The following TBC1D22A variants were observed in gnomAD, a reference collection of about 807,000 sequenced individuals.
TBC1D22A encodes the protein TBC1 domain family member 22A.
Under a neutral mutation model 60.2 loss-of-function variants are expected in TBC1D22A, and 38 were observed. That is an observed-to-expected ratio of 0.63 (90% CI 0.49 to 0.83). The LOEUF (loss-of-function observed/expected upper bound fraction) is 0.83, where lower values mean the gene tolerates loss of function less well. Among genes scored for constraint, TBC1D22A ranks in the 40% least tolerant of loss-of-function variants. TBC1D22A has a pLI of 0.00. For synonymous variants in TBC1D22A, 302 were observed against 281.7 expected (o/e 1.07, Z -0.72); for missense variants, 628 against 701.0 (o/e 0.90, Z 1.18).
intron 8 of TBC1D22A, among the ~76,000 whole-genome samples, chr22:46,934,777 G>A (rs973676804): frequency 6.7e-6 from 1 of 150,118 alleles, no homozygotes; most frequent in African/African-American, 2.5e-5. Flanking sequence ...GTTGCCTCGA[G>A]TGTTGGTGTT....
At chr22:47,021,763 A>G (rs1297553798) in intron 10 of TBC1D22A, among the ~76,000 whole-genome samples, 8 of 152,238 alleles carry the variant, frequency 5.3e-5, no homozygotes, top group Admixed American at 1.3e-4. Context: ...AGCAACAGAA[A>G]ACTAATAAAA....
chr22:46,829,258 A>T (rs1011116237), intron 4 of TBC1D22A, among the ~76,000 whole-genome samples: 1 of 152,154 alleles, frequency 6.6e-6, no homozygotes, highest in African/African-American at 2.4e-5. Flanking sequence ...CCCTCAGGGT[A>T]GGGGTGCATC....
At chr22:46,970,144 G>A (rs2073988257) in intron 8 of TBC1D22A, among the ~76,000 whole-genome samples, 3 of 152,010 alleles carry the variant, frequency 2.0e-5, no homozygotes, top group Admixed American at 2.0e-4. Flanking sequence ...GGCAGCTTGG[G>A]CATGTCTTCA....
chr22:46,773,986 C>G, intron 1 of TBC1D22A: 1 of 985,552 alleles, frequency 1.0e-6, no homozygotes, highest in Non-Finnish European at 1.2e-6. Context: ...CCCTAGGGGA[C>G]TTAACAGGTG....
intron 5 of TBC1D22A, among the ~76,000 whole-genome samples, chr22:46,885,679 T>A (rs2068076085): frequency 6.6e-6 from 1 of 152,134 alleles, no homozygotes; most frequent in Non-Finnish European, 1.5e-5. Context: ...GGTCTGGCTG[T>A]CACTGCCCCC....
intron 8 of TBC1D22A, among the ~76,000 whole-genome samples, chr22:46,954,856 A>G (rs539304667): frequency 3.3e-5 from 5 of 152,354 alleles, no homozygotes; most frequent in Admixed American, 3.3e-4. Flanking sequence ...ATCCCAGGAA[A>G]GGATAAATGG....
intron 12 of TBC1D22A, among the ~76,000 whole-genome samples, chr22:47,147,708 G>A (rs1383688817): frequency 1.3e-5 from 2 of 152,274 alleles, no homozygotes; most frequent in South Asian, 2.1e-4. Flanking sequence ...GAGCCCCGCC[G>A]CAGGGCTCCT....
intron 11 of TBC1D22A, among the ~76,000 whole-genome samples, chr22:47,098,189 C>T (rs1261957134): frequency 6.6e-6 from 1 of 152,088 alleles, no homozygotes; most frequent in African/African-American, 2.4e-5. Context: ...AAATGTTTTT[C>T]CCTTAACTAG....
At position 46,886,189 on chromosome 22, in the gene TBC1D22A, G is replaced by A. The variant is rs967722908; in HGVS notation, c.709-5077G>A. Among the ~76,000 whole-genome samples the A allele has an allele frequency of 4.6e-5, 7 of 152,264 alleles. No homozygotes were observed. The East Asian group carries it at 1.4e-3, about 29-fold the overall frequency. On this transcript the variant is annotated intron_variant, in intron 5 of 12. Coordinates refer to ENST00000337137, the MANE Select transcript of TBC1D22A (RefSeq NM_014346.5). ...GCTGGGATTACAGGTGTGAGCCGCC[G>A]CGCCCGGCCAGTCACTGTTAGAATT...
intron 5 of TBC1D22A, among the ~76,000 whole-genome samples, chr22:46,884,138 C>T (rs981535808): frequency 7.9e-5 from 12 of 152,044 alleles, no homozygotes; most frequent in Admixed American, 3.9e-4. Flanking sequence ...AACAATACAC[C>T]GAGAAGTAGA....
At chr22:47,157,438 G>C (rs542516694) in intron 12 of TBC1D22A, among the ~76,000 whole-genome samples, 2 of 152,332 alleles carry the variant, frequency 1.3e-5, no homozygotes, top group Middle Eastern at 3.4e-3. Context: ...GTGTGTGCAC[G>C]TGTCCGTCTA....
chr22:46,872,081 G>A (rs1001115255), intron 4 of TBC1D22A, among the ~76,000 whole-genome samples: 2 of 152,060 alleles, frequency 1.3e-5, no homozygotes, highest in African/African-American at 2.4e-5. Context: ...AGAAAGACAC[G>A]ACTTAAACTA....
At chr22:47,074,745 C>G (rs1378430856) in intron 11 of TBC1D22A, among the ~76,000 whole-genome samples, 1 of 152,204 alleles carries the variant, frequency 6.6e-6, no homozygotes, top group African/African-American at 2.4e-5. Context: ...GAGAGCCATC[C>G]TACCGCCTTC....
chr22:46,972,897 A>G (rs977297930), intron 8 of TBC1D22A, among the ~76,000 whole-genome samples: 1 of 151,840 alleles, frequency 6.6e-6, no homozygotes, highest in Non-Finnish European at 1.5e-5. Flanking sequence ...GAATCCGCCC[A>G]CCCTCCCACG....
intron 11 of TBC1D22A, among the ~76,000 whole-genome samples, chr22:47,103,628 A>G (rs1327888104): frequency 1.3e-5 from 2 of 152,182 alleles, no homozygotes; most frequent in African/African-American, 4.8e-5. Context: ...GAGAGGGCTG[A>G]CGTGCCCAGA....
chr22:47,024,134 A>G (rs1322143206), intron 10 of TBC1D22A, among the ~76,000 whole-genome samples: 2 of 152,206 alleles, frequency 1.3e-5, no homozygotes, highest in Non-Finnish European at 2.9e-5. Flanking sequence ...AAGCCGGGTA[A>G]TCGTATCTGG....
chr22:47,174,626 TGGACCGGTTCCTCC>T lies in TBC1D22A; in HGVS notation c.*1002_*1015del, dbSNP rs2068612450. On this transcript the variant is annotated 3_prime_UTR_variant, in exon 13 of 13. Coordinates refer to ENST00000337137, the MANE Select transcript of TBC1D22A (RefSeq NM_014346.5). ...GTTCCATCATGGACCGGTTCCTCCA[TGGACCGGTTCCTCC>T]GTGGACCGGTTCCGCCATGGACCGG... 1 of 151,164 alleles carries T rather than the reference TGGACCGGTTCCTCC, an allele frequency of 6.6e-6. No individual in the cohort carries two copies. Among genetic ancestry groups the T allele is most frequent in the African/African-American group, 2.4e-5 (1 of 41,058 alleles). 9.4% of individuals were successfully genotyped at this position (151,164 alleles called of 1,614,324 possible).
intron 12 of TBC1D22A, among the ~76,000 whole-genome samples, chr22:47,150,600 C>T (rs957149401): frequency 3.9e-5 from 6 of 152,218 alleles, no homozygotes; most frequent in Non-Finnish European, 7.3e-5. Context: ...GCCTTCTCGC[C>T]GAGCTGTCTG....
chr22:46,965,178 A>G (rs1246779636), intron 8 of TBC1D22A, among the ~76,000 whole-genome samples: 5 of 152,268 alleles, frequency 3.3e-5, no homozygotes, highest in Non-Finnish European at 7.3e-5. Context: ...TGAACAGCAG[A>G]GGAACCTGCA....
Sources: gnomAD v4.1 joint callset for allele counts (sites outside exome capture counted in the v4.1 genomes callset) on GRCh38, gnomAD v4.1.1 for gene constraint, MANE v1.5 for transcripts, NCBI Gene and HGNC (gene_info 2026-07-23, HGNC 2026-07-21) for gene names.